Variants in CTBP2 observed in about 807,000 individuals in gnomAD.
The protein encoded by CTBP2 is C-terminal binding protein 2.
A neutral mutation model predicts 80.3 loss-of-function variants in CTBP2; 30 were observed. That is an observed-to-expected ratio of 0.37 (90% CI 0.28 to 0.51). The LOEUF is 0.51. CTBP2 is among the 20% of genes least tolerant of loss of function. The pLI, the probability that CTBP2 is intolerant of heterozygous loss-of-function variation, is 0.93. For synonymous variants in CTBP2, 594 were observed against 587.4 expected (o/e 1.01, Z -0.16); for missense variants, 1,212 against 1,375.3 (o/e 0.88, Z 1.88).
chr10:125,145,325 G>A (rs1157892170), intron 1 of CTBP2, among the ~76,000 whole-genome samples: 1 of 152,114 alleles, frequency 6.6e-6, no homozygotes, highest in Non-Finnish European at 1.5e-5. Flanking sequence ...GCCCTCAGGA[G>A]ACTCCTGGCC....
chr10:125,143,119 G>A (rs1465628313), intron 1 of CTBP2, among the ~76,000 whole-genome samples: 1 of 152,098 alleles, frequency 6.6e-6, no homozygotes, highest in Non-Finnish European at 1.5e-5. Flanking sequence ...CCTGTAGCCC[G>A]GCAGCCCCCC....
At chr10:125,070,668 A>T (rs909043457) in intron 2 of CTBP2, among the ~76,000 whole-genome samples, 31 of 151,866 alleles carry the variant, frequency 2.0e-4, no homozygotes, top group African/African-American at 5.1e-4. Context: ...TAAATCTAAA[A>T]TTTTTTCTAT....
chr10:125,110,266 G>C (rs1368907887), intron 2 of CTBP2, among the ~76,000 whole-genome samples: 1 of 152,222 alleles, frequency 6.6e-6, no homozygotes, highest in Non-Finnish European at 1.5e-5. Context: ...TAAAAAGCAA[G>C]ATTAAAATCA....
At chr10:125,031,487 TCAAA>T, upstream of CTBP2, among the ~76,000 whole-genome samples, 1 of 12,034 alleles carries the variant, frequency 8.3e-5, no homozygotes, top group Non-Finnish European at 1.8e-4. Flanking sequence ...AGACTCCATT[TCAAA>T]AAAAAAAAAA....
chr10:125,147,134 C>T (rs1278682714), intron 1 of CTBP2, among the ~76,000 whole-genome samples: 2 of 152,184 alleles, frequency 1.3e-5, no homozygotes, highest in Admixed American at 6.5e-5. Flanking sequence ...ATGATGATGA[C>T]GTGTGCACAG....
intron 1 of CTBP2, among the ~76,000 whole-genome samples, chr10:125,113,366 G>A (rs1438909587): frequency 6.6e-6 from 1 of 152,146 alleles, no homozygotes; most frequent in African/African-American, 2.4e-5. Context: ...TATATACCCT[G>A]CCCATCTCCA....
intron 4 of CTBP2, chr10:124,997,252 C>G (rs535720201): frequency 6.6e-6 from 1 of 152,416 alleles, no homozygotes; most frequent in Admixed American, 6.5e-5. Context: ...GTAATTCCCA[C>G]AAGGCCACAG....
chr10:125,108,406 G>A (rs1256521846), intron 2 of CTBP2, among the ~76,000 whole-genome samples: 3 of 152,208 alleles, frequency 2.0e-5, no homozygotes, highest in East Asian at 1.9e-4. Context: ...ATGGTGTCAC[G>A]TGATTTTCAT....
At chr10:125,148,460 G>A (rs773192805) in intron 1 of CTBP2, among the ~76,000 whole-genome samples, 32 of 152,212 alleles carry the variant, frequency 2.1e-4, no homozygotes, top group Non-Finnish European at 3.8e-4. Context: ...GAAAACAAAA[G>A]AGAATTAGGA....
chr10:125,042,393 T>C (rs1960110780), intron 2 of CTBP2, among the ~76,000 whole-genome samples: 1 of 152,176 alleles, frequency 6.6e-6, no homozygotes, highest in African/African-American at 2.4e-5. Context: ...TGGTGATGCC[T>C]GCTATGAAAA....
rs140372950 is a variant in CTBP2, at chr10:125,051,065, A to T, written c.-101-11910T>A. ...AAATCCCACTGGAGAATTCTTGACA[A>T]GGTAATGGCCATTTAAAAATCTGCT... On this transcript the variant is annotated intron_variant, in intron 2 of 10. Coordinates refer to the CTBP2 transcript ENST00000337195. 1.4e-4 allele frequency among the ~76,000 whole-genome samples: 21 copies of T among 152,308 alleles called. No homozygotes were observed. The East Asian group carries it at 4.1e-3, about 29-fold the overall frequency.
chr10:125,005,638 A>C (rs1307406101), intron 1 of CTBP2: 1 of 1,612,792 alleles, frequency 6.2e-7, no homozygotes, highest in Non-Finnish European at 8.5e-7. Context: ...CAGCACCGTC[A>C]CCTGACGAGG....
At chr10:125,093,734 G>T (rs776008237) in intron 2 of CTBP2, among the ~76,000 whole-genome samples, 4 of 152,188 alleles carry the variant, frequency 2.6e-5, no homozygotes, top group Admixed American at 6.5e-5. Context: ...CCTCGGAATG[G>T]TAAGTAGGGG....
intron 2 of CTBP2, among the ~76,000 whole-genome samples, chr10:125,049,334 G>C (rs1962147393): frequency 6.6e-6 from 1 of 152,168 alleles, no homozygotes; most frequent in Non-Finnish European, 1.5e-5. Flanking sequence ...ACAGCAGCAG[G>C]ATACCACTGA....
chr10:125,005,078 G>A (rs1331917363), intron 1 of CTBP2, among the ~76,000 whole-genome samples: 3 of 152,202 alleles, frequency 2.0e-5, no homozygotes, highest in African/African-American at 7.2e-5. Flanking sequence ...CCCTCCACTG[G>A]GGCCGTGACT....
chr10:125,026,905 G>C lies in CTBP2; in HGVS notation c.855C>G (p.Gly285=), dbSNP rs542054569. 2 of 1,614,022 alleles carry C rather than the reference G, an allele frequency of 1.2e-6. No homozygotes were observed. Among genetic ancestry groups the C allele is most frequent in the South Asian group, 2.2e-5 (2 of 91,086 alleles). ...GGAACTCAGGGAGCACGGTCCTCTT[G>C]CCACCAGGACCCTGGAAGGTGGACA... The change falls in exon 1 of 9, where the codon GGC becomes GGG. Residue 285 remains glycine, a synonymous_variant. Coordinates refer to ENST00000309035, the MANE Select transcript of CTBP2 (RefSeq NM_022802.3).
chr10:125,120,554 T>C (rs1037706031), intron 1 of CTBP2, among the ~76,000 whole-genome samples: 10 of 152,166 alleles, frequency 6.6e-5, no homozygotes, highest in African/African-American at 2.4e-4. Context: ...GCCCAGCTAA[T>C]TTTTCTATTT....
At chr10:125,157,314 A>G (rs1351846903) in intron 1 of CTBP2, among the ~76,000 whole-genome samples, 1 of 150,514 alleles carries the variant, frequency 6.6e-6, no homozygotes, top group East Asian at 2.0e-4. Context: ...GCGAAACCGT[A>G]AATAACTCAC....
chr10:125,009,335 G>A (rs1314332463), intron 1 of CTBP2, among the ~76,000 whole-genome samples: 1 of 152,186 alleles, frequency 6.6e-6, no homozygotes, highest in East Asian at 1.9e-4. Context: ...TAAGCAGCCG[G>A]TGTGGCTCCC....
Sources: allele counts gnomAD v4.1 joint callset (sites outside exome capture counted in the v4.1 genomes callset), GRCh38; gene constraint gnomAD v4.1.1; transcripts MANE v1.5; gene names NCBI Gene and HGNC (gene_info 2026-07-23, HGNC 2026-07-21).